ADAMTS20: variants seen among roughly 807,000 people sequenced by gnomAD.
The protein encoded by ADAMTS20 is A disintegrin and metalloproteinase with thrombospondin motifs 20.
A neutral mutation model predicts 260.1 loss-of-function variants in ADAMTS20; 225 were observed. That is an observed-to-expected ratio of 0.87 (90% CI 0.78 to 0.97). ADAMTS20 has a LOEUF of 0.97. Ranked by LOEUF, ADAMTS20 falls within the 50% of genes least tolerant of loss-of-function variation. The pLI is 0.00. For synonymous variants in ADAMTS20, 802 were observed against 769.5 expected, an observed-to-expected ratio of 1.04 and a Z score of -0.70; for missense variants, 2,400 against 2,337.7, an observed-to-expected ratio of 1.03 and a Z score of -0.55.
rs371466499 is a variant in ADAMTS20 at position 43,429,773 on chromosome 12, T to G, written c.3382-49A>C. The G allele has an allele frequency of 1.5e-5, 18 of 1,218,416 alleles. No individual in the cohort carries two copies. The Admixed American group carries it at 2.1e-4, about 14-fold the overall frequency. The allele number at this position is 1,218,416 out of a possible 1,614,324, so 75.5% of individuals were successfully genotyped here. A position where few individuals can be genotyped will look rare whatever the true frequency, so the allele number is the denominator to read the frequency against. On this transcript the variant is annotated intron_variant, in intron 23 of 38. Coordinates refer to ENST00000389420, the MANE Select transcript of ADAMTS20 (RefSeq NM_025003.5). ...CGTAAAACATTAATTAATGACTGAT[T>G]TATACAAAATCTAATACTTCACTTC... is the stretch of plus-strand genomic sequence containing the variant.
chr12:43,452,439 A>T (rs1941883199), intron 13 of ADAMTS20, 29 bp from the exon 14 acceptor site: 2 of 1,604,720 alleles, frequency 1.2e-6, no homozygotes, highest in African/African-American at 1.3e-5. Flanking sequence ...TCAAATTTTT[A>T]ATGTATAATA....
chr12:43,474,005 A>T (rs975332363), intron 7 of ADAMTS20, among the ~76,000 whole-genome samples: 3 of 150,012 alleles, frequency 2.0e-5, no homozygotes, highest in African/African-American at 4.9e-5. Flanking sequence ...AACTGAAGGA[A>T]ATAGAGACAC....
Position 43,531,608 on chromosome 12 carries a change from G to C in ADAMTS20, c.613+428C>G, listed in dbSNP as rs572547808. 3.9e-5 allele frequency among the ~76,000 whole-genome samples: 6 copies of C among 152,226 alleles called. No homozygotes were observed. The East Asian group carries it at 1.2e-3, about 29-fold the overall frequency. ...GTTGAACTCATAGATGTAAAGAGTG[G>C]AATGGTGGTTACCAGAGGCTACAGT... On this transcript the variant is annotated intron_variant, in intron 3 of 38. Coordinates refer to ENST00000389420, the MANE Select transcript of ADAMTS20 (RefSeq NM_025003.5).
chr12:43,444,971 T>C (rs1941734114), intron 15 of ADAMTS20, among the ~76,000 whole-genome samples: 1 of 152,248 alleles, frequency 6.6e-6, no homozygotes, highest in African/African-American at 2.4e-5. Flanking sequence ...ATATGCCTAC[T>C]GGTTGTAGGT....
intron 6 of ADAMTS20, among the ~76,000 whole-genome samples, chr12:43,491,876 T>G (rs2137429493): frequency 6.6e-6 from 1 of 152,286 alleles, no homozygotes; most frequent in Admixed American, 6.5e-5. Flanking sequence ...TCCATAACTA[T>G]GTTAATTTCT....
chr12:43,400,177 T>C (rs1367916703), intron 28 of ADAMTS20, among the ~76,000 whole-genome samples: 1 of 152,008 alleles, frequency 6.6e-6, no homozygotes, highest in Non-Finnish European at 1.5e-5. Flanking sequence ...AGAGAGGATA[T>C]TGACAATTTC....
At chr12:43,440,908 C>CA (rs886195180) in intron 16 of ADAMTS20, among the ~76,000 whole-genome samples, 24 of 151,974 alleles carry the variant, frequency 1.6e-4, no homozygotes, top group African/African-American at 4.6e-4. Flanking sequence ...AGTAAAAATA[C>CA]AAAAAAATTA....
At position 43,464,660 on chromosome 12, in the gene ADAMTS20, T is replaced by C; in HGVS notation, c.1440A>G (p.Gly480=). ...ACTGCTTGTTTCCATCATATCGTGATCCAGGAAGTTCTGAAGGCAGATTAT... is the reference window on the plus strand; with the variant it reads ...ACTGCTTGTTTCCATCATATCGTGACCCAGGAAGTTCTGAAGGCAGATTAT... ...EIYNLPSELP[G]SRYDGNKQCE... is the part of the protein sequence containing the mutation. The change falls in exon 10 of 39, where the codon GGA becomes GGG. Residue 480 remains glycine (G), a synonymous_variant. Transcript: ENST00000389420. The C allele has an allele frequency of 6.2e-7, 1 of 1,613,454 alleles. No homozygotes were observed. Among genetic ancestry groups the C allele is most frequent in the Non-Finnish European group, 8.5e-7 (1 of 1,179,488 alleles).
intron 3 of ADAMTS20, among the ~76,000 whole-genome samples, chr12:43,506,428 A>C (rs972149338): frequency 5.9e-5 from 9 of 152,098 alleles, no homozygotes; most frequent in African/African-American, 1.9e-4. Context: ...AATATACTTA[A>C]CACTACTGAA....
chr12:43,436,644 A>G (rs1941561345), intron 18 of ADAMTS20, among the ~76,000 whole-genome samples: 1 of 152,194 alleles, frequency 6.6e-6, no homozygotes, highest in Admixed American at 6.5e-5. Flanking sequence ...ATTGCACAGC[A>G]TAGCTCTAGA....
intron 2 of ADAMTS20, among the ~76,000 whole-genome samples, chr12:43,540,353 A>T (rs2137519887): frequency 6.6e-6 from 1 of 152,326 alleles, no homozygotes; most frequent in Non-Finnish European, 1.5e-5. Flanking sequence ...CCTTTAAAAA[A>T]TGTTGTCTTT....
rs1327924876 is a variant in ADAMTS20 at position 43,383,649 on chromosome 12, A to G, written c.4706T>C (p.Ile1569Thr). 5 of 1,613,736 alleles carry G rather than the reference A, an allele frequency of 3.1e-6. No homozygotes were observed. Among genetic ancestry groups the G allele is most frequent in the Non-Finnish European group, 4.2e-6 (5 of 1,179,858 alleles). Reference sequence around the variant, plus strand: ...AGATATGGTTGAAGAATTATAGACTATTTCATTCACTTGTCTGATTTGGTT... The same window carrying G: ...AGATATGGTTGAAGAATTATAGACTGTTTCATTCACTTGTCTGATTTGGTT... ...TDNQIRQVNE[I>T]VYNSSTISLT... The change falls in exon 31 of 39, where the codon ATA (isoleucine) becomes ACA (threonine). Residue 1569 changes from isoleucine (I) to threonine (T), a missense_variant. Transcript: ENST00000389420.
At chr12:43,535,965 A>T (rs145525681) in intron 2 of ADAMTS20, among the ~76,000 whole-genome samples, 1 of 152,142 alleles carries the variant, frequency 6.6e-6, no homozygotes, top group Admixed American at 6.5e-5. Flanking sequence ...TAAATGGTCA[A>T]TTTATGTAGA....
chr12:43,424,387 T>C (rs1941291192), intron 28 of ADAMTS20, among the ~76,000 whole-genome samples: 1 of 152,100 alleles, frequency 6.6e-6, no homozygotes, highest in African/African-American at 2.4e-5. Context: ...AATTAAAATA[T>C]TCCCAAACCA....
In ADAMTS20 at chr12:43,477,048, C is replaced by G. The variant is rs1317520358; in HGVS notation, c.1118-8343G>C. ...ACAAGATGATTTAAATAAAAGACCT[C>G]TAAATAAAAAAAAAAAAAAAACAAT... On this transcript the variant is annotated intron_variant, in intron 7 of 38. Transcript: ENST00000389420. Among the ~76,000 whole-genome samples, 5 of 130,252 alleles carry G rather than the reference C, an allele frequency of 3.8e-5. No individual in the cohort carries two copies. In the South Asian group the frequency reaches 1.2e-3, roughly 31 times the overall value. The allele number at this position is 130,252 out of a possible 152,430, so 85.5% of individuals were successfully genotyped here.
At chr12:43,442,386 T>C (rs2137330258) in intron 16 of ADAMTS20, among the ~76,000 whole-genome samples, 1 of 151,934 alleles carries the variant, frequency 6.6e-6, no homozygotes, top group East Asian at 1.9e-4. Flanking sequence ...GCCTCCCGAG[T>C]AGCTGGGATT....
At chr12:43,434,208 A>T in intron 19 of ADAMTS20, 37 bp downstream of exon 19, 1 of 1,533,558 alleles carries the variant, frequency 6.5e-7, no homozygotes, top group Non-Finnish European at 8.8e-7. Context: ...TAGCTCACTT[A>T]TTAATCTGGT....
chr12:43,419,361 GA>G (rs1941187609), intron 28 of ADAMTS20, among the ~76,000 whole-genome samples: 1 of 152,026 alleles, frequency 6.6e-6, no homozygotes, highest in South Asian at 2.1e-4. Flanking sequence ...ATGTCTGAGT[GA>G]TGTGATAATG....
In ADAMTS20 at chr12:43,551,944, T is replaced by C; in HGVS notation, c.-23A>G. On this transcript the variant is annotated 5_prime_UTR_variant, in exon 1 of 39. Coordinates refer to ENST00000389420, the MANE Select transcript of ADAMTS20 (RefSeq NM_025003.5). The surrounding 1 kb of genome is among the most constrained non-coding windows in gnomAD (Gnocchi z 4.6). ...CATGGTTCCACCCTGGGGACCCCGA[T>C]CGGGGAGGCCCACCAGAGCCGCCGG... 2.5e-6 allele frequency: 4 copies of C among 1,608,660 alleles called. No homozygotes were observed. Among genetic ancestry groups the C allele is most frequent in the Non-Finnish European group, 3.4e-6 (4 of 1,176,176 alleles).
Sources: gnomAD v4.1 joint callset for allele counts (sites outside exome capture counted in the v4.1 genomes callset) on GRCh38, gnomAD v4.1.1 for gene constraint, Gnocchi (gnomAD v3.1) non-coding constraint, MANE v1.5 for transcripts, NCBI Gene and HGNC (gene_info 2026-07-23, HGNC 2026-07-21) for gene names.